The following LARGE1 variants were observed in gnomAD, a reference collection of about 807,000 sequenced individuals.
LARGE1 encodes LARGE xylosyl- and glucuronyltransferase 1.
LARGE1 carries 43 observed loss-of-function variants against 87.6 expected under a neutral mutation model. That is an observed-to-expected ratio of 0.49 (90% confidence interval 0.38 to 0.63). LARGE1 has a LOEUF of 0.63. Ranked by LOEUF, LARGE1 falls within the 30% of genes least tolerant of loss-of-function variation. The pLI is 0.00. For missense variants in LARGE1, 802 were observed against 1,000.2 expected (o/e 0.80, Z 2.67); for synonymous variants, 434 against 394.6 (o/e 1.10, Z -1.18).
chr22:33,653,736 T>C (rs528540303), intron 2 of LARGE1, among the ~76,000 whole-genome samples: 1 of 152,276 alleles, frequency 6.6e-6, no homozygotes, highest in South Asian at 2.1e-4. Context: ...GATGAGTTGA[T>C]GATGTAATTT....
At chr22:33,476,792 G>C (rs1256393217) in intron 6 of LARGE1, among the ~76,000 whole-genome samples, 1 of 152,006 alleles carries the variant, frequency 6.6e-6, no homozygotes, top group Admixed American at 6.6e-5. Context: ...AAGCAAGGAG[G>C]GCAGAAGCAG....
chr22:33,635,214 T>C (rs2149112512), intron 3 of LARGE1, among the ~76,000 whole-genome samples: 1 of 152,262 alleles, frequency 6.6e-6, no homozygotes, highest in African/African-American at 2.4e-5. Context: ...TTCCCTGGAA[T>C]GCAGACCGTA....
intron 1 of LARGE1, among the ~76,000 whole-genome samples, chr22:33,763,161 C>T (rs2145744408): frequency 6.6e-6 from 1 of 152,306 alleles, no homozygotes; most frequent in East Asian, 1.9e-4. Context: ...TGCCTGTCAG[C>T]TGCAGGTGCC....
At chr22:33,519,468 C>T (rs1057250942) in intron 6 of LARGE1, among the ~76,000 whole-genome samples, 12 of 152,286 alleles carry the variant, frequency 7.9e-5, no homozygotes, top group Admixed American at 3.3e-4. Flanking sequence ...ACCTCTAAAA[C>T]GCATCTCAGG....
chr22:33,865,131 G>C (rs374752273), intron 1 of LARGE1, among the ~76,000 whole-genome samples: 15 of 152,312 alleles, frequency 9.8e-5, no homozygotes, highest in South Asian at 6.2e-4. Context: ...CGTCTGTGCA[G>C]GACAAGCTCC....
At chr22:33,824,535 C>T (rs5754704) in intron 1 of LARGE1, among the ~76,000 whole-genome samples, 1 of 152,284 alleles carries the variant, frequency 6.6e-6, no homozygotes, top group East Asian at 1.9e-4. Flanking sequence ...TACAATTTGA[C>T]AAGAGATTTG....
intron 1 of LARGE1, among the ~76,000 whole-genome samples, chr22:33,834,925 T>A (rs2146360848): frequency 6.6e-6 from 1 of 152,372 alleles, no homozygotes; most frequent in East Asian, 1.9e-4. Context: ...CATGTTAATA[T>A]GCCTCAGCGA....
At chr22:33,528,536 A>G (rs2072029019) in intron 6 of LARGE1, among the ~76,000 whole-genome samples, 1 of 152,184 alleles carries the variant, frequency 6.6e-6, no homozygotes, top group African/African-American at 2.4e-5. Context: ...TCTGATGTCA[A>G]AAGGTGAAGC....
chr22:33,307,787 T>G (rs77856687), intron 11 of LARGE1, among the ~76,000 whole-genome samples: 16 of 151,866 alleles, frequency 1.1e-4, no homozygotes, highest in Non-Finnish European at 1.5e-5. Context: ...TTTTTTTTTT[T>G]GAGACAGAGT....
At chr22:33,389,959 C>T (rs1247307797) in intron 7 of LARGE1, among the ~76,000 whole-genome samples, 4 of 152,294 alleles carry the variant, frequency 2.6e-5, no homozygotes, top group African/African-American at 7.2e-5. Context: ...CAAAGGCCTC[C>T]AGTATTTCAG....
At chr22:33,507,858 A>G (rs535380295) in intron 6 of LARGE1, among the ~76,000 whole-genome samples, 3 of 152,214 alleles carry the variant, frequency 2.0e-5, no homozygotes, top group East Asian at 1.9e-4. Context: ...TTACATACCT[A>G]GGGGGACTGT....
the LARGE1 span, among the ~76,000 whole-genome samples, chr22:33,104,909 T>C: frequency 3.4e-4 from 20 of 58,306 alleles, no homozygotes; most frequent in East Asian, 9.0e-3. Context: ...CTTTCTTTCT[T>C]TCTTTCTTTC....
At chr22:33,878,939 T>C (rs2064571122) in intron 1 of LARGE1, among the ~76,000 whole-genome samples, 1 of 151,754 alleles carries the variant, frequency 6.6e-6, no homozygotes, top group African/African-American at 2.4e-5. Context: ...TACTTGGCCA[T>C]AGTGACATTT....
intron 5 of LARGE1, among the ~76,000 whole-genome samples, chr22:33,581,338 A>C (rs2078512657): frequency 6.6e-6 from 1 of 152,236 alleles, no homozygotes; most frequent in Non-Finnish European, 1.5e-5. Flanking sequence ...TACTGTTCTC[A>C]GCAAGAAAAT....
At chr22:33,589,549 GTTTA>G (rs2078777272) in intron 5 of LARGE1, among the ~76,000 whole-genome samples, 1 of 151,614 alleles carries the variant, frequency 6.6e-6, no homozygotes, top group Admixed American at 6.6e-5. Context: ...TTACTTTTCT[GTTTA>G]TTATTTTTCT....
chr22:33,351,655 C>T (rs2146762109), intron 9 of LARGE1, among the ~76,000 whole-genome samples: 1 of 152,100 alleles, frequency 6.6e-6, no homozygotes, highest in Middle Eastern at 3.4e-3. Flanking sequence ...TACTACTACC[C>T]CCTTTGCGAG....
At chr22:33,859,908 A>T (rs2146580045) in intron 1 of LARGE1, among the ~76,000 whole-genome samples, 1 of 152,308 alleles carries the variant, frequency 6.6e-6, no homozygotes, top group South Asian at 2.1e-4. Flanking sequence ...TTCCACTCAT[A>T]TAAAGTACCT....
chr22:33,723,181 A>G (rs1243485397), intron 2 of LARGE1, among the ~76,000 whole-genome samples: 1 of 152,218 alleles, frequency 6.6e-6, no homozygotes, highest in African/African-American at 2.4e-5. Flanking sequence ...AAGCCATTAG[A>G]GACAATTACA....
At chr22:33,191,930 T>G (rs1328345890) in intron 11 of LARGE1, among the ~76,000 whole-genome samples, 2 of 152,206 alleles carry the variant, frequency 1.3e-5, no homozygotes, top group Non-Finnish European at 2.9e-5. Context: ...CCTTAAACCT[T>G]TTAGAACTGG....
Sources: gnomAD v4.1 joint callset for allele counts (sites outside exome capture counted in the v4.1 genomes callset) on GRCh38, gnomAD v4.1.1 for gene constraint, MANE v1.5 for transcripts, NCBI Gene and HGNC (gene_info 2026-07-23, HGNC 2026-07-21) for gene names.